The following EBF3 variants were observed in gnomAD, a reference collection of about 807,000 sequenced individuals.
EBF3 encodes the protein EBF transcription factor 3.
EBF3 carries 18 observed loss-of-function variants against 77.1 expected under a neutral mutation model. The ratio of observed to expected loss-of-function variants is 0.23; its 90% CI spans 0.16 to 0.35. The LOEUF (loss-of-function observed/expected upper bound fraction) is 0.35. EBF3 is among the 10% of genes least tolerant of loss of function. The pLI, the probability that EBF3 is intolerant of heterozygous loss-of-function variation, is 1.00. For missense variants in EBF3, 558 were observed against 860.0 expected (o/e 0.65, Z 4.39); for synonymous variants, 350 against 343.5 (o/e 1.02, Z -0.21).
intron 6 of EBF3, among the ~76,000 whole-genome samples, chr10:129,888,699 G>C (rs1439943998): frequency 6.6e-6 from 1 of 152,216 alleles, no homozygotes; most frequent in Non-Finnish European, 1.5e-5. Context: ...TGAAAACAAG[G>C]CTATTAGGTA....
intron 6 of EBF3, among the ~76,000 whole-genome samples, chr10:129,893,534 G>C (rs1328235381): frequency 6.6e-6 from 1 of 152,124 alleles, no homozygotes; most frequent in Non-Finnish European, 1.5e-5. Context: ...TTAACATGTT[G>C]ATAGGACACT....
chr10:129,850,900 G>A (rs1329027851), intron 10 of EBF3, among the ~76,000 whole-genome samples: 3 of 152,182 alleles, frequency 2.0e-5, no homozygotes, highest in East Asian at 1.9e-4. Context: ...GTTCCCCGAC[G>A]GGAGGAGAAA....
At chr10:129,878,862 GGAGGC>G (rs1381433597) in intron 6 of EBF3, among the ~76,000 whole-genome samples, 1 of 147,338 alleles carries the variant, frequency 6.8e-6, no homozygotes, top group Non-Finnish European at 1.5e-5. Context: ...GAACTGATTG[GGAGGC>G]ATATTGTTTT....
chr10:129,942,301 A>G (rs2134497578), intron 6 of EBF3, among the ~76,000 whole-genome samples: 1 of 152,316 alleles, frequency 6.6e-6, no homozygotes, highest in South Asian at 2.1e-4. Context: ...AGCCCTGTGG[A>G]CCTGCTTCCC....
chr10:129,905,634 C>T (rs1855090311), intron 6 of EBF3, among the ~76,000 whole-genome samples: 1 of 152,150 alleles, frequency 6.6e-6, no homozygotes, highest in African/African-American at 2.4e-5. Context: ...CTCCCAGGCC[C>T]TCACACACCA....
rs1859655823 is a variant in EBF3, at chr10:129,963,134, G to T, written c.292-129C>A. 1.5e-6 allele frequency: 2 copies of T among 1,290,902 alleles called. No homozygotes were observed. The highest frequency in any genetic ancestry group is 4.7e-5 in the East Asian group (2 of 42,614). 80.0% of individuals were successfully genotyped at this position (1,290,902 alleles called of 1,614,324 possible). A position where few individuals can be genotyped will look rare whatever the true frequency, so the allele number is the denominator to read the frequency against. The stretch of plus-strand genomic sequence containing the variant: ...AGGATTCCTAGCTCGAAGCAGCGCG[G>T]TGATGTCACTTTCCTGCTGGAAGCC... On this transcript the variant is annotated intron_variant, in intron 2 of 16. Coordinates refer to ENST00000440978, the MANE Select transcript of EBF3 (RefSeq NM_001375380.1). The surrounding 1 kb of genome is among the most constrained non-coding windows in gnomAD (Gnocchi z 7.1).
intron 10 of EBF3, among the ~76,000 whole-genome samples, chr10:129,850,261 A>G (rs900443249): frequency 6.6e-6 from 1 of 152,254 alleles, no homozygotes; most frequent in Non-Finnish European, 1.5e-5. Context: ...GATTTCATGC[A>G]AATGCCCCTG....
chr10:129,874,434 G>A (rs999220513), intron 7 of EBF3, among the ~76,000 whole-genome samples: 7 of 152,142 alleles, frequency 4.6e-5, no homozygotes, highest in Non-Finnish European at 1.0e-4. Flanking sequence ...ACCTGCCCAG[G>A]GGAGCTTGCC....
At position 129,877,853 on chromosome 10, in the gene EBF3, T is replaced by A; in HGVS notation, c.555-4A>T. The A allele has an allele frequency of 6.2e-7, 1 of 1,605,506 alleles. No homozygotes were observed. On this transcript the variant is annotated splice_region_variant and splice_polypyrimidine_tract_variant and intron_variant, in intron 6 of 16. Coordinates refer to ENST00000440978, the MANE Select transcript of EBF3 (RefSeq NM_001375380.1). ...GAGGAAAAACTTTAGAAAGAATCTA[T>A]AAAAAATACAAAAAGATGATATTTA...
In EBF3 at chr10:129,963,149, T is replaced by C; in HGVS notation, c.292-144A>G. 1 of 1,236,886 alleles carries C rather than the reference T, an allele frequency of 8.1e-7. No individual in the cohort carries two copies. Among genetic ancestry groups the C allele is most frequent in the Non-Finnish European group, 1.2e-6 (1 of 861,942 alleles). The allele number at this position is 1,236,886 out of a possible 1,614,324, so 76.6% of individuals were successfully genotyped here. On this transcript the variant is annotated intron_variant, in intron 2 of 16. Transcript: ENST00000440978. The surrounding 1 kb of genome is among the most constrained non-coding windows in gnomAD (Gnocchi z 7.1). ...AAGCAGCGCGGTGATGTCACTTTCC[T>C]GCTGGAAGCCCAGCGTTCTCCTCGC...
intron 6 of EBF3, among the ~76,000 whole-genome samples, chr10:129,918,587 C>T (rs975679938): frequency 6.6e-5 from 10 of 152,192 alleles, no homozygotes; most frequent in Admixed American, 1.3e-4. Flanking sequence ...TTAGGCCAGA[C>T]GGAACCCTGT....
chr10:129,939,281 G>T (rs866824872), intron 6 of EBF3, among the ~76,000 whole-genome samples: 3 of 152,118 alleles, frequency 2.0e-5, no homozygotes, highest in Non-Finnish European at 4.4e-5. Context: ...CCCTCTCCCA[G>T]GTCAAAAGTA....
chr10:129,865,871 G>A (rs1283096080), intron 10 of EBF3, among the ~76,000 whole-genome samples: 1 of 152,194 alleles, frequency 6.6e-6, no homozygotes, highest in Non-Finnish European at 1.5e-5. Context: ...TTCAGGTGGT[G>A]ATGGCAGGAG....
intron 6 of EBF3, among the ~76,000 whole-genome samples, chr10:129,893,298 GA>G (rs1335871845): frequency 2.0e-5 from 3 of 152,134 alleles, no homozygotes; most frequent in African/African-American, 7.2e-5. Context: ...AACACACTCA[GA>G]CTTTTCACCT....
intron 6 of EBF3, among the ~76,000 whole-genome samples, chr10:129,909,382 C>A (rs766333705): frequency 6.6e-6 from 1 of 152,212 alleles, no homozygotes; most frequent in East Asian, 1.9e-4. Flanking sequence ...CTCTTGAAAG[C>A]AACTTTGTTC....
intron 6 of EBF3, among the ~76,000 whole-genome samples, chr10:129,955,816 G>A (rs994655331): frequency 4.6e-5 from 7 of 152,128 alleles, no homozygotes; most frequent in Admixed American, 1.3e-4. Flanking sequence ...AAACACTTTC[G>A]CAATCCTTCA....
rs1333493379 is a variant in EBF3, at chr10:129,947,502, T to A, written c.554+9756A>T. On this transcript the variant is annotated intron_variant, in intron 6 of 16. Coordinates refer to ENST00000440978, the MANE Select transcript of EBF3 (RefSeq NM_001375380.1). This position sits in a 1 kb window ranked among gnomAD's most constrained non-coding sequence, Gnocchi z 4.5. ...TCTGTTCTTATGCCACGGTGCAGTA[T>A]ATTTGCCTTCCCAATAATTTAATCA... is the stretch of plus-strand genomic sequence containing the variant. Among the ~76,000 whole-genome samples the A allele has an allele frequency of 3.9e-5, 6 of 152,242 alleles. No homozygotes were observed. The highest frequency in any genetic ancestry group is 8.8e-5 in the Non-Finnish European group (6 of 68,044).
chr10:129,882,877 C>T (rs1215272319), intron 6 of EBF3, among the ~76,000 whole-genome samples: 1 of 152,252 alleles, frequency 6.6e-6, no homozygotes, highest in Non-Finnish European at 1.5e-5. Context: ...TCACCGCCTT[C>T]CCTGCCGCTG....
chr10:129,895,750 T>C (rs922412867), intron 6 of EBF3, among the ~76,000 whole-genome samples: 3 of 150,740 alleles, frequency 2.0e-5, no homozygotes, highest in Non-Finnish European at 4.4e-5. Context: ...TTTAAAATGA[T>C]ACTTTTGATT....
Sources: allele counts gnomAD v4.1 joint callset (sites outside exome capture counted in the v4.1 genomes callset), GRCh38; gene constraint gnomAD v4.1.1; non-coding constraint Gnocchi (gnomAD v3.1); transcripts MANE v1.5; gene names NCBI Gene and HGNC (gene_info 2026-07-23, HGNC 2026-07-21).